Variants in PRDM11 observed in about 807,000 individuals in gnomAD.
The protein encoded by PRDM11 is PR/SET domain 11.
A neutral mutation model predicts 97.8 loss-of-function variants in PRDM11; 20 were observed. The observed-to-expected ratio is 0.20, with a 90% CI of 0.14 to 0.30. The LOEUF (loss-of-function observed/expected upper bound fraction) is 0.30, where lower values mean the gene tolerates loss of function less well. Among genes scored for constraint, PRDM11 ranks in the 10% least tolerant of loss-of-function variants. The pLI is 1.00. For missense variants in PRDM11, 1,139 were observed against 1,555.2 expected, an observed-to-expected ratio of 0.73 and a Z score of 4.50; for synonymous variants, 599 against 637.7, an observed-to-expected ratio of 0.94 and a Z score of 0.91.
intron 1 of PRDM11, among the ~76,000 whole-genome samples, chr11:45,104,429 C>T (rs1021635981): frequency 6.6e-6 from 1 of 152,132 alleles, no homozygotes; most frequent in Admixed American, 6.5e-5. Context: ...AAAATGGGGA[C>T]GAGGACACGT....
chr11:45,199,096 A>G (rs1269591488), intron 4 of PRDM11, among the ~76,000 whole-genome samples: 1 of 152,236 alleles, frequency 6.6e-6, no homozygotes, highest in African/African-American at 2.4e-5. Context: ...ACCATGGTCT[A>G]AAATAGCATG....
In PRDM11 at chr11:45,219,689, A is replaced by G. The variant is rs756043038; in HGVS notation, c.674A>G (p.Tyr225Cys). 5.0e-6 allele frequency: 8 copies of G among 1,613,994 alleles called. No individual in the cohort carries two copies. The highest frequency in any genetic ancestry group is 6.8e-6 in the Non-Finnish European group (8 of 1,180,032). The change falls in exon 6 of 8, where the codon TAC (tyrosine) becomes TGC (cysteine). Residue 225 changes from tyrosine (Y) to cysteine (C), a missense_variant. By Grantham distance (194) the Tyr-to-Cys change is radical. Around this residue, in one of 2 missense-constraint regions of PRDM11, gnomAD observed 429 missense variants for 510.3 expected, o/e 0.84. Coordinates refer to ENST00000683152, the MANE Select transcript of PRDM11 (RefSeq NM_001384648.1). The surrounding 1 kb of genome is among the most constrained non-coding windows in gnomAD (Gnocchi z 4.2). Reference protein sequence around the residue: ...IRPGEWLRVWYSEDYMKRLHS... With the variant: ...IRPGEWLRVWCSEDYMKRLHS... ...CCTGGGGAGTGGCTGCGGGTCTGGT[A>G]CAGCGAGGACTACATGAAGCGCCTG... is the stretch of plus-strand genomic sequence containing the variant.
intron 1 of PRDM11, among the ~76,000 whole-genome samples, chr11:45,131,851 T>C (rs1852728401): frequency 6.6e-6 from 1 of 152,170 alleles, no homozygotes; most frequent in South Asian, 2.1e-4. Context: ...GATAGGGCAA[T>C]TTCAGGGTTG....
chr11:45,137,827 C>T (rs1467807273), intron 1 of PRDM11, among the ~76,000 whole-genome samples: 1 of 152,122 alleles, frequency 6.6e-6, no homozygotes. Flanking sequence ...CGACTCGGGT[C>T]CAAAATTAGA....
At chr11:45,112,021 A>T (rs1852192964) in intron 1 of PRDM11, among the ~76,000 whole-genome samples, 1 of 151,998 alleles carries the variant, frequency 6.6e-6, no homozygotes, top group Admixed American at 6.6e-5. Context: ...TTTAGCAGTG[A>T]TTTCTGAGAT....
chr11:45,112,744 G>A (rs945161298), intron 1 of PRDM11, among the ~76,000 whole-genome samples: 1 of 151,950 alleles, frequency 6.6e-6, no homozygotes, highest in Non-Finnish European at 1.5e-5. Context: ...ATTCCTTTGA[G>A]AACTGTGTAT....
intron 1 of PRDM11, among the ~76,000 whole-genome samples, chr11:45,133,858 A>G (rs1447569291): frequency 6.6e-6 from 1 of 152,234 alleles, no homozygotes; most frequent in Admixed American, 6.5e-5. Flanking sequence ...TGATGCAGAG[A>G]GCAGGCTAAA....
chr11:45,118,202 GATAAA>G (rs1852345402), intron 1 of PRDM11, among the ~76,000 whole-genome samples: 1 of 152,116 alleles, frequency 6.6e-6, no homozygotes, highest in Admixed American at 6.5e-5. Context: ...TGGTATCCTG[GATAAA>G]ATCCTAGAAA....
intron 1 of PRDM11, among the ~76,000 whole-genome samples, chr11:45,111,921 C>T (rs1467592614): frequency 1.3e-5 from 2 of 151,836 alleles, no homozygotes; most frequent in Non-Finnish European, 2.9e-5. Flanking sequence ...AACACCCAGA[C>T]AACTTTCTGA....
rs968084748 is a variant in PRDM11, at chr11:45,219,954, A to G, written c.742+197A>G. Among the ~76,000 whole-genome samples, 2 of 152,198 alleles carry G rather than the reference A, an allele frequency of 1.3e-5. No individual in the cohort carries two copies. Among genetic ancestry groups the G allele is most frequent in the African/African-American group, 4.8e-5 (2 of 41,454 alleles). ...CCACCCCAGCATGTTATCGACCCCTAGAAATGGTCTCAGAAATCCTTACCA... is the reference window on the plus strand; with the variant it reads ...CCACCCCAGCATGTTATCGACCCCTGGAAATGGTCTCAGAAATCCTTACCA... On this transcript the variant is annotated intron_variant, in intron 6 of 7. Transcript: ENST00000683152. The surrounding 1 kb of genome is among the most constrained non-coding windows in gnomAD (Gnocchi z 4.2).
chr11:45,174,602 C>T (rs1852284563), intron 1 of PRDM11, among the ~76,000 whole-genome samples: 1 of 152,220 alleles, frequency 6.6e-6, no homozygotes, highest in Admixed American at 6.5e-5. Flanking sequence ...GCCTGATACT[C>T]AGTCTCTAAT....
At chr11:45,159,416 G>T (rs1851879385) in intron 1 of PRDM11, among the ~76,000 whole-genome samples, 1 of 152,232 alleles carries the variant, frequency 6.6e-6, no homozygotes, top group Non-Finnish European at 1.5e-5. Flanking sequence ...AGTCCCTGTG[G>T]TTCACAAAGA....
In PRDM11 at chr11:45,099,450, TAAAAAAAAAA is replaced by T. The variant is rs532403075; in HGVS notation, c.96+3565_96+3574del. Among the ~76,000 whole-genome samples the T allele has an allele frequency of 2.2e-4, 21 of 95,220 alleles. No individual in the cohort carries two copies. In the South Asian group the frequency reaches 4.2e-3, roughly 19 times the overall value. 62.5% of individuals were successfully genotyped at this position (95,220 alleles called of 152,430 possible). ...TGGGTAACAGAGTGAGACTCCATCT[TAAAAAAAAAA>T]AAAAAAAAAAAAAAATCACAGGCTC... On this transcript the variant is annotated intron_variant, in intron 1 of 6. Transcript: ENST00000530656.
At chr11:45,156,210 T>G (rs1054227715) in intron 1 of PRDM11, among the ~76,000 whole-genome samples, 2 of 152,194 alleles carry the variant, frequency 1.3e-5, no homozygotes, top group African/African-American at 4.8e-5. Flanking sequence ...AAGTACAGCA[T>G]ATGAGCCACT....
chr11:45,148,825 T>C (rs1473743453), intron 1 of PRDM11, among the ~76,000 whole-genome samples: 2 of 152,090 alleles, frequency 1.3e-5, no homozygotes, highest in Non-Finnish European at 2.9e-5. Flanking sequence ...AACACTGGGG[T>C]AGGAGTCGGG....
At chr11:45,097,973 G>T in intron 1 of PRDM11, among the ~76,000 whole-genome samples, 1 of 152,260 alleles carries the variant, frequency 6.6e-6, no homozygotes, top group East Asian at 1.9e-4. Flanking sequence ...AAATGTGCTG[G>T]CTGGGATTGG....
chr11:45,099,933 C>G (rs1472800936), intron 1 of PRDM11, among the ~76,000 whole-genome samples: 1 of 152,208 alleles, frequency 6.6e-6, no homozygotes, highest in African/African-American at 2.4e-5. Flanking sequence ...GTAGGTCTGA[C>G]TCTCAAATTC....
chr11:45,176,276 C>T (rs1590406947), intron 1 of PRDM11, among the ~76,000 whole-genome samples: 1 of 152,044 alleles, frequency 6.6e-6, no homozygotes, highest in East Asian at 1.9e-4. Context: ...ATTGGGGAGG[C>T]TGAGACAGGA....
intron 1 of PRDM11, among the ~76,000 whole-genome samples, chr11:45,122,965 T>C (rs1370073562): frequency 2.0e-5 from 3 of 152,168 alleles, no homozygotes; most frequent in African/African-American, 7.2e-5. Flanking sequence ...ACCAACAGTG[T>C]AAAAGTGTTC....
Sources: gnomAD v4.1 joint callset for allele counts (sites outside exome capture counted in the v4.1 genomes callset) on GRCh38, gnomAD v4.1.1 for gene constraint, gnomAD v4.1.1 regional missense constraint, Gnocchi (gnomAD v3.1) non-coding constraint, MANE v1.5 for transcripts, NCBI Gene and HGNC (gene_info 2026-07-23, HGNC 2026-07-21) for gene names.